TOPAZ1: variants seen among roughly 807,000 people sequenced by gnomAD.
TOPAZ1 encodes protein TOPAZ1.
Under a neutral mutation model 172.2 loss-of-function variants are expected in TOPAZ1, and 66 were observed. The observed-to-expected ratio is 0.38, with a 90% CI of 0.31 to 0.47. TOPAZ1 has a LOEUF of 0.47. Ranked by LOEUF, TOPAZ1 falls within the 20% of genes least tolerant of loss-of-function variation. The pLI, the probability that TOPAZ1 is intolerant of heterozygous loss-of-function variation, is 0.99. For synonymous variants in TOPAZ1, 681 were observed against 683.9 expected, an observed-to-expected ratio of 1.00 and a Z score of 0.07; for missense variants, 1,822 against 1,972.4, an observed-to-expected ratio of 0.92 and a Z score of 1.44.
intron 7 of TOPAZ1, 147 bp downstream of exon 7, chr3:44,269,448 T>C: frequency 5.8e-6 from 2 of 344,514 alleles, no homozygotes; most frequent in Non-Finnish European, 1.1e-5. Flanking sequence ...ACTTTGGACC[T>C]TTTGATTGTA....
At chr3:44,257,352 G>GGGGTGTGTGTGTGTGTGTGT (rs1264696203) in intron 4 of TOPAZ1, among the ~76,000 whole-genome samples, 2 of 110,386 alleles carry the variant, frequency 1.8e-5, no homozygotes, top group African/African-American at 7.7e-5. Flanking sequence ...AAAACATAGG[G>GGGGTGTGTGTGTGTGTGTGT]GTGTGTGTGT....
Position 44,305,198 on chromosome 3 carries a change from G to T in TOPAZ1, c.3916G>T (p.Val1306Leu), listed in dbSNP as rs1025802771. The T allele has an allele frequency of 1.6e-5, 25 of 1,544,250 alleles. No individual in the cohort carries two copies. In the Admixed American group the frequency reaches 2.2e-4, roughly 14 times the overall value. ...CAAATTGGGAAAATTATACATTAAC[G>T]TAAAAATGGGCTGTGAAAAATTTGC... Reference protein sequence around the residue: ...WTKLGKLYINVKMGCEKFADF... With the variant: ...WTKLGKLYINLKMGCEKFADF... Residue 1306 changes from valine to leucine, a missense_variant, in exon 14 of 20, where the codon GTA (valine) becomes TTA (leucine). Physicochemically the swap from Val to Leu is conservative, Grantham distance 32. Around this residue, in one of 2 missense-constraint regions of TOPAZ1, gnomAD observed 333 missense variants for 481.7 expected, o/e 0.69. Transcript: ENST00000309765.
At chr3:44,260,518 GT>G (rs1699764068) in intron 4 of TOPAZ1, among the ~76,000 whole-genome samples, 1 of 151,932 alleles carries the variant, frequency 6.6e-6, no homozygotes, top group Non-Finnish European at 1.5e-5. Context: ...TTCTTTTAGG[GT>G]TTTTTGGTGT....
intron 12 of TOPAZ1, among the ~76,000 whole-genome samples, chr3:44,293,314 A>C (rs944659838): frequency 9.9e-5 from 15 of 152,192 alleles, no homozygotes; most frequent in Non-Finnish European, 2.9e-5. Flanking sequence ...TTTTAAAGTT[A>C]AGTGTAAAAC....
intron 5 of TOPAZ1, among the ~76,000 whole-genome samples, chr3:44,264,556 G>C (rs913496769): frequency 1.3e-5 from 2 of 152,316 alleles, no homozygotes; most frequent in Middle Eastern, 6.8e-3. Flanking sequence ...TTGGGGTGAA[G>C]GTTGAAGGTT....
intron 12 of TOPAZ1, among the ~76,000 whole-genome samples, chr3:44,298,910 T>TATATATATATATATATA (rs1491140048): frequency 1.7e-3 from 28 of 16,186 alleles, no homozygotes; most frequent in Non-Finnish European, 2.7e-3. Context: ...TATATATATA[T>TATATATATATATATATA]TTTTTTTTTT....
rs1575222679 is a variant in TOPAZ1 at position 44,332,012 on chromosome 3, C to G, written c.*1C>G. 6.7e-7 allele frequency: 1 copy of G among 1,497,078 alleles called. No individual in the cohort carries two copies. Among genetic ancestry groups the G allele is most frequent in the Non-Finnish European group, 8.9e-7 (1 of 1,124,538 alleles). The allele number at this position is 1,497,078 out of a possible 1,614,324, so 92.7% of individuals were successfully genotyped here. On this transcript the variant is annotated 3_prime_UTR_variant, in exon 20 of 20. Transcript: ENST00000309765. ...GGTTTGGCTTTTCAGTAACCATTAG[C>G]TAATAAAGTCTGCTTTTTTTTTTTT...
At chr3:44,278,575 T>G (rs533164141) in intron 8 of TOPAZ1, among the ~76,000 whole-genome samples, 10 of 152,348 alleles carry the variant, frequency 6.6e-5, no homozygotes, top group African/African-American at 2.4e-4. Context: ...CAGTAGGCTG[T>G]ATGTGTCCAG....
chr3:44,321,282 GT>G, intron 17 of TOPAZ1, 91 bp downstream of exon 17: 1 of 870,308 alleles, frequency 1.1e-6, no homozygotes, highest in South Asian at 2.3e-5. Flanking sequence ...TTTTGATTGA[GT>G]TTTATATTCC....
intron 8 of TOPAZ1, among the ~76,000 whole-genome samples, chr3:44,274,113 C>CT (rs377497030): frequency 0.012 from 1,628 of 141,376 alleles, 7 homozygotes; most frequent in Middle Eastern, 0.018. Flanking sequence ...AACCCTGTCT[C>CT]TTTTTTTTTT....
In TOPAZ1 at chr3:44,282,567, A is replaced by G. The variant is rs565634563; in HGVS notation, c.3436+536A>G. 3.9e-5 allele frequency among the ~76,000 whole-genome samples: 6 copies of G among 152,226 alleles called. 1 individual carries two copies. The South Asian group carries it at 1.2e-3, about 32-fold the overall frequency. On this transcript the variant is annotated intron_variant, in intron 9 of 19. Transcript: ENST00000309765. ...TCAGGGCTAGGTCGTAGGAAATAGG[A>G]TTACCTCCTCTATTAGGCCCTTATC...
At chr3:44,283,767 G>A (rs111291582) in intron 9 of TOPAZ1, among the ~76,000 whole-genome samples, 5,728 of 152,018 alleles carry the variant, frequency 0.038, 146 homozygotes, top group Non-Finnish European at 0.06. Flanking sequence ...GGCCTTACAC[G>A]CACACACATT....
chr3:44,271,379 G>A (rs760492854), intron 8 of TOPAZ1, among the ~76,000 whole-genome samples: 3 of 152,118 alleles, frequency 2.0e-5, no homozygotes, highest in Non-Finnish European at 2.9e-5. Context: ...CCTGATGATT[G>A]ATGAAGTTGA....
chr3:44,313,882 T>TA (rs1700424180), intron 16 of TOPAZ1, among the ~76,000 whole-genome samples: 1 of 152,198 alleles, frequency 6.6e-6, no homozygotes, highest in Non-Finnish European at 1.5e-5. Context: ...AAAAGTCCTC[T>TA]ACACCTTCAG....
At chr3:44,309,611 G>T (rs553544842) in intron 15 of TOPAZ1, among the ~76,000 whole-genome samples, 1 of 152,290 alleles carries the variant, frequency 6.6e-6, no homozygotes, top group East Asian at 1.9e-4. Context: ...GGAAGAGGTG[G>T]TTAATATGAG....
downstream of TOPAZ1, among the ~76,000 whole-genome samples, chr3:44,336,262 A>G (rs1019511627): frequency 6.6e-6 from 1 of 152,192 alleles, no homozygotes; most frequent in Non-Finnish European, 1.5e-5. Flanking sequence ...GTAAATCACA[A>G]CCTAATAGAA....
chr3:44,301,408 A>C (rs557617292), intron 12 of TOPAZ1, among the ~76,000 whole-genome samples: 7 of 152,318 alleles, frequency 4.6e-5, no homozygotes, highest in Non-Finnish European at 8.8e-5. Flanking sequence ...ATAACTTATA[A>C]CTTTTAAAGA....
chr3:44,269,554 C>T (rs567682998), intron 7 of TOPAZ1, among the ~76,000 whole-genome samples: 8 of 116,800 alleles, frequency 6.8e-5, no homozygotes, highest in East Asian at 2.7e-4. Context: ...GGCATGATCT[C>T]GGCTCACTGC....
intron 8 of TOPAZ1, among the ~76,000 whole-genome samples, chr3:44,273,804 A>G (rs1699923206): frequency 6.6e-6 from 1 of 152,224 alleles, no homozygotes; most frequent in Non-Finnish European, 1.5e-5. Context: ...GTTATTTAAT[A>G]TAAAGGATGT....
Sources: allele counts gnomAD v4.1 joint callset (sites outside exome capture counted in the v4.1 genomes callset), GRCh38; gene constraint gnomAD v4.1.1; regional missense constraint gnomAD v4.1.1; transcripts MANE v1.5; gene names NCBI Gene and HGNC (gene_info 2026-07-23, HGNC 2026-07-21).